The following ZNF385D variants were observed in gnomAD, a reference collection of about 807,000 sequenced individuals.
The protein encoded by ZNF385D is zinc finger protein 385D.
Under a neutral mutation model 35.8 loss-of-function variants are expected in ZNF385D, and 15 were observed. That is an observed-to-expected ratio of 0.42 (90% CI 0.28 to 0.64). The LOEUF (loss-of-function observed/expected upper bound fraction) is 0.64. Among genes scored for constraint, ZNF385D ranks in the 30% least tolerant of loss-of-function variants. ZNF385D has a pLI of 0.23. For synonymous variants in ZNF385D, 212 were observed against 186.8 expected (o/e 1.13, Z -1.10); for missense variants, 474 against 494.6 (o/e 0.96, Z 0.39).
At chr3:21,601,690 C>T (rs538992501) in intron 2 of ZNF385D, among the ~76,000 whole-genome samples, 4 of 152,276 alleles carry the variant, frequency 2.6e-5, no homozygotes, top group East Asian at 1.9e-4. Flanking sequence ...TCACAAACAC[C>T]CAAAGATGCC....
chr3:22,157,989 A>G (rs1442542872), intron 3 of ZNF385D, among the ~76,000 whole-genome samples: 1 of 152,106 alleles, frequency 6.6e-6, no homozygotes, highest in Non-Finnish European at 1.5e-5. Context: ...TTTTTAAATT[A>G]GTGAGTAAGC....
At chr3:22,348,159 TTAAG>T (rs2125491645) in intron 2 of ZNF385D, among the ~76,000 whole-genome samples, 1 of 152,230 alleles carries the variant, frequency 6.6e-6, no homozygotes, top group South Asian at 2.1e-4. Flanking sequence ...TGGCTTTTTC[TTAAG>T]TAATATAAGC....
In ZNF385D at chr3:21,665,036, G is replaced by A; in HGVS notation, c.23-8C>T. 1 of 1,597,914 alleles carries A rather than the reference G, an allele frequency of 6.3e-7. No individual in the cohort carries two copies. Among genetic ancestry groups the A allele is most frequent in the Non-Finnish European group, 8.5e-7 (1 of 1,172,310 alleles). ...GACTCTGGCATGTACCACCTGTGAA[G>A]ACCAGAGCAAAGGGAGCAATCAGGG... On this transcript the variant is annotated splice_region_variant and splice_polypyrimidine_tract_variant and intron_variant, in intron 1 of 7. Coordinates refer to ENST00000281523, the MANE Select transcript of ZNF385D (RefSeq NM_024697.3).
chr3:21,711,897 T>G (rs2068123702), intron 1 of ZNF385D, among the ~76,000 whole-genome samples: 1 of 152,180 alleles, frequency 6.6e-6, no homozygotes, highest in African/African-American at 2.4e-5. Context: ...AATACAAGTA[T>G]GGAATTATAG....
intron 3 of ZNF385D, among the ~76,000 whole-genome samples, chr3:22,151,932 A>G (rs2125721178): frequency 6.6e-6 from 1 of 152,230 alleles, no homozygotes; most frequent in East Asian, 1.9e-4. Context: ...AGTTTCTTGT[A>G]CAGGTTATTT....
chr3:21,984,758 G>A (rs1450268227), intron 3 of ZNF385D, among the ~76,000 whole-genome samples: 1 of 120,366 alleles, frequency 8.3e-6, no homozygotes, highest in Non-Finnish European at 1.8e-5. Flanking sequence ...ACCTTGGGCA[G>A]TATGGCCATT....
At chr3:21,643,612 A>T (rs545259621) in intron 2 of ZNF385D, among the ~76,000 whole-genome samples, 5 of 152,112 alleles carry the variant, frequency 3.3e-5, no homozygotes, top group Non-Finnish European at 5.9e-5. Flanking sequence ...ATGAATTCTC[A>T]TGCACCTCAG....
At chr3:21,778,991 A>T (rs947339081) in intron 3 of ZNF385D, among the ~76,000 whole-genome samples, 1 of 151,986 alleles carries the variant, frequency 6.6e-6, no homozygotes, top group African/African-American at 2.4e-5. Context: ...CCCATGGAGA[A>T]CCAGGTTGGA....
chr3:21,767,552 C>T (rs2125601711), intron 3 of ZNF385D, among the ~76,000 whole-genome samples: 1 of 152,088 alleles, frequency 6.6e-6, no homozygotes, highest in Admixed American at 6.6e-5. Context: ...GAGCCAGAGT[C>T]ACCACTACAT....
chr3:22,013,842 C>T (rs1462698403), intron 3 of ZNF385D, among the ~76,000 whole-genome samples: 2 of 152,010 alleles, frequency 1.3e-5, no homozygotes, highest in African/African-American at 4.8e-5. Flanking sequence ...CAACCCCCTC[C>T]CCCTCCCAAA....
chr3:22,304,891 T>G (rs776266260), intron 2 of ZNF385D, among the ~76,000 whole-genome samples: 3 of 152,176 alleles, frequency 2.0e-5, no homozygotes, highest in Non-Finnish European at 2.9e-5. Flanking sequence ...TTCATTATAG[T>G]GAAATCATTA....
At chr3:22,211,151 G>A (rs888614033) in intron 2 of ZNF385D, among the ~76,000 whole-genome samples, 1 of 151,820 alleles carries the variant, frequency 6.6e-6, no homozygotes, top group Non-Finnish European at 1.5e-5. Context: ...CTCAAGCTCA[G>A]GAGATTATAA....
chr3:22,011,791 A>T (rs953982788), intron 3 of ZNF385D, among the ~76,000 whole-genome samples: 1 of 152,146 alleles, frequency 6.6e-6, no homozygotes, highest in Admixed American at 6.5e-5. Context: ...ATCTTACCGA[A>T]GATCACATTT....
chr3:22,038,143 C>A (rs1220359517), intron 3 of ZNF385D, among the ~76,000 whole-genome samples: 1 of 150,030 alleles, frequency 6.7e-6, no homozygotes, highest in African/African-American at 2.4e-5. Flanking sequence ...TTATTTGGCA[C>A]CAACCTAGAG....
chr3:22,145,525 A>G (rs1204680676), intron 3 of ZNF385D, among the ~76,000 whole-genome samples: 1 of 152,192 alleles, frequency 6.6e-6, no homozygotes, highest in East Asian at 1.9e-4. Context: ...TGACACATGG[A>G]AGAATACTAT....
chr3:21,878,890 G>T (rs1284315250), intron 3 of ZNF385D, among the ~76,000 whole-genome samples: 2 of 151,986 alleles, frequency 1.3e-5, no homozygotes, highest in Admixed American at 6.6e-5. Flanking sequence ...ATTTATGTGG[G>T]AAAGACCTTA....
chr3:22,084,310 T>A (rs1200344295), intron 3 of ZNF385D, among the ~76,000 whole-genome samples: 2 of 152,150 alleles, frequency 1.3e-5, no homozygotes, highest in Non-Finnish European at 2.9e-5. Context: ...TCAAGACTCA[T>A]CAGTGTACTG....
chr3:21,692,948 A>C (rs1390921319), intron 1 of ZNF385D, among the ~76,000 whole-genome samples: 1 of 152,218 alleles, frequency 6.6e-6, no homozygotes, highest in Non-Finnish European at 1.5e-5. Flanking sequence ...CCTTGAAGGT[A>C]ATCACTATTT....
chr3:22,114,804 T>C (rs1378205858), intron 3 of ZNF385D, among the ~76,000 whole-genome samples: 1 of 152,004 alleles, frequency 6.6e-6, no homozygotes, highest in African/African-American at 2.4e-5. Flanking sequence ...TATTAAGAGG[T>C]TGGGCCTTTA....
Sources: allele counts gnomAD v4.1 joint callset (sites outside exome capture counted in the v4.1 genomes callset), GRCh38; gene constraint gnomAD v4.1.1; transcripts MANE v1.5; gene names NCBI Gene and HGNC (gene_info 2026-07-23, HGNC 2026-07-21).